The following KLF12 variants were observed in gnomAD, a reference collection of about 807,000 sequenced individuals.
KLF12 encodes KLF transcription factor 12, also known as Krueppel-like factor 12.
A neutral mutation model predicts 37.8 loss-of-function variants in KLF12; 9 were observed. The observed-to-expected ratio is 0.24, with a 90% CI of 0.14 to 0.42. The LOEUF is 0.42. KLF12 is among the 10% of genes least tolerant of loss of function. The probability of loss-of-function intolerance (pLI) is 1.00; values close to 1 mark genes in which losing one functional copy is unlikely to be tolerated. For synonymous variants in KLF12, 208 were observed against 202.1 expected (o/e 1.03, Z -0.25); for missense variants, 411 against 516.0 (o/e 0.80, Z 1.97).
Position 73,867,102 on chromosome 13 carries a change from G to T in KLF12, c.124-20729C>A, listed in dbSNP as rs1428338086. 2.6e-5 allele frequency among the ~76,000 whole-genome samples: 4 copies of T among 152,058 alleles called. No homozygotes were observed. In the East Asian group the frequency reaches 7.7e-4, roughly 29 times the overall value. ...GGAATAAAAAGCATACAGTGTGATG[G>T]TATAATGTACAGTACTACATTCTGC... On this transcript the variant is annotated intron_variant, in intron 3 of 7. Transcript: ENST00000377669.
At chr13:73,824,019 C>T (rs559005982) in intron 4 of KLF12, among the ~76,000 whole-genome samples, 9 of 152,096 alleles carry the variant, frequency 5.9e-5, no homozygotes, top group African/African-American at 2.2e-4. Context: ...CTGGCCTCTT[C>T]TTAAAAACTC....
the KLF12 span, among the ~76,000 whole-genome samples, chr13:74,205,306 T>C: frequency 6.6e-6 from 1 of 152,150 alleles, no homozygotes; most frequent in Non-Finnish European, 1.5e-5. Context: ...GGAAATATTG[T>C]CAGATGAAGT....
chr13:74,146,825 A>G, the KLF12 span, among the ~76,000 whole-genome samples: 2 of 152,346 alleles, frequency 1.3e-5, no homozygotes, highest in African/African-American at 4.8e-5. Flanking sequence ...AACTAAGTCC[A>G]ATGGAAGTTA....
At chr13:74,213,629 CCCTT>C in the KLF12 span, among the ~76,000 whole-genome samples, 1 of 147,614 alleles carries the variant, frequency 6.8e-6, no homozygotes, top group East Asian at 2.1e-4. Flanking sequence ...CTCCCTCCCT[CCCTT>C]CTTTCCTCCC....
intron 3 of KLF12, among the ~76,000 whole-genome samples, chr13:73,889,829 T>C (rs903714959): frequency 3.3e-5 from 5 of 152,098 alleles, no homozygotes; most frequent in African/African-American, 1.2e-4. Flanking sequence ...TATTACAAAA[T>C]AAAAGGAACT....
intron 3 of KLF12, among the ~76,000 whole-genome samples, chr13:73,850,564 T>C (rs1380082457): frequency 6.6e-6 from 1 of 152,240 alleles, no homozygotes; most frequent in African/African-American, 2.4e-5. Context: ...GTCCGGATAC[T>C]ACTCTATCTT....
the KLF12 span, among the ~76,000 whole-genome samples, chr13:74,140,534 G>A: frequency 6.6e-6 from 1 of 152,328 alleles, no homozygotes; most frequent in East Asian, 1.9e-4. Flanking sequence ...TCATATTTGA[G>A]AGTGCCATTT....
chr13:74,189,904 G>A, the KLF12 span, among the ~76,000 whole-genome samples: 1 of 151,396 alleles, frequency 6.6e-6, no homozygotes, highest in Non-Finnish European at 1.5e-5. Flanking sequence ...TTAATGTTTC[G>A]ACTAGTCGAA....
intron 3 of KLF12, among the ~76,000 whole-genome samples, chr13:73,939,246 C>G (rs1593758849): frequency 6.6e-6 from 1 of 152,124 alleles, no homozygotes; most frequent in African/African-American, 2.4e-5. Context: ...TTCAGGTCTC[C>G]CTCTGAGTCC....
chr13:73,963,763 A>G (rs1277999683), intron 2 of KLF12, among the ~76,000 whole-genome samples: 3 of 152,248 alleles, frequency 2.0e-5, no homozygotes, highest in Non-Finnish European at 4.4e-5. Context: ...GTTGTCAAGG[A>G]GAAGCAGAAA....
In KLF12 at chr13:73,738,022, AACACAC is replaced by A. The variant is rs930525748; in HGVS notation, c.870-22503_870-22498del. Among the ~76,000 whole-genome samples the A allele has an allele frequency of 4.7e-4, 43 of 92,376 alleles. 2 individuals are homozygous for A. The highest frequency in any genetic ancestry group is 2.6e-3 in the African/African-American group (37 of 14,368). 60.6% of individuals were successfully genotyped at this position (92,376 alleles called of 152,430 possible). The stretch of plus-strand genomic sequence containing the variant: ...TTCCTTAAATACACTTCATTCAACA[AACACAC>A]ACACACACACACACACACATACGTG... On this transcript the variant is annotated intron_variant, in intron 6 of 7. Transcript: ENST00000377669.
chr13:74,300,120 A>G, the KLF12 span, among the ~76,000 whole-genome samples: 1 of 152,158 alleles, frequency 6.6e-6, no homozygotes, highest in African/African-American at 2.4e-5. Context: ...AAAAATTCAG[A>G]TAATTGAATA....
At chr13:74,042,726 G>T (rs1226204165) in intron 1 of KLF12, among the ~76,000 whole-genome samples, 1 of 152,150 alleles carries the variant, frequency 6.6e-6, no homozygotes, top group Non-Finnish European at 1.5e-5. Context: ...TCATAAATAT[G>T]AAATATTAAA....
intron 3 of KLF12, among the ~76,000 whole-genome samples, chr13:73,926,290 TG>T (rs1889372947): frequency 6.6e-6 from 1 of 152,146 alleles, no homozygotes; most frequent in Admixed American, 6.5e-5. Flanking sequence ...ACCACCACCT[TG>T]ATCAGTCAGT....
At chr13:74,262,231 T>C in the KLF12 span, among the ~76,000 whole-genome samples, 2 of 152,138 alleles carry the variant, frequency 1.3e-5, no homozygotes, top group African/African-American at 2.4e-5. Context: ...CAATTAGAAG[T>C]GTTGTTGATC....
At chr13:74,154,896 A>G in the KLF12 span, among the ~76,000 whole-genome samples, 3 of 152,190 alleles carry the variant, frequency 2.0e-5, no homozygotes, top group African/African-American at 7.2e-5. Flanking sequence ...TTCCAAAGTC[A>G]AACTCTTCAA....
At chr13:74,193,719 C>A in the KLF12 span, among the ~76,000 whole-genome samples, 2 of 152,094 alleles carry the variant, frequency 1.3e-5, no homozygotes, top group African/African-American at 4.8e-5. Context: ...TCTAAAAAGT[C>A]AAAAAATATG....
chr13:74,181,220 G>A, the KLF12 span, among the ~76,000 whole-genome samples: 1 of 151,780 alleles, frequency 6.6e-6, no homozygotes, highest in African/African-American at 2.4e-5. Flanking sequence ...GGCTGGACTC[G>A]AACTCCTGAC....
the KLF12 span, among the ~76,000 whole-genome samples, chr13:74,294,718 A>ATAT: frequency 6.6e-6 from 1 of 152,082 alleles, no homozygotes; most frequent in East Asian, 1.9e-4. Context: ...GTTCTGAGGT[A>ATAT]TATTCACATC....
Sources: allele counts gnomAD v4.1 joint callset (sites outside exome capture counted in the v4.1 genomes callset), GRCh38; gene constraint gnomAD v4.1.1; transcripts MANE v1.5; gene names NCBI Gene and HGNC (gene_info 2026-07-23, HGNC 2026-07-21).